DNAH5: variants seen among roughly 807,000 people sequenced by gnomAD.
The protein encoded by DNAH5 is dynein axonemal heavy chain 5.
Under a neutral mutation model 518.2 loss-of-function variants are expected in DNAH5, and 372 were observed. The ratio of observed to expected loss-of-function variants is 0.72; its 90% CI spans 0.66 to 0.78. The LOEUF (loss-of-function observed/expected upper bound fraction) is 0.78, where lower values mean the gene tolerates loss of function less well. DNAH5 is among the 30% of genes least tolerant of loss of function. The pLI is 0.00. For synonymous variants in DNAH5, 2,039 were observed against 2,025.9 expected, an observed-to-expected ratio of 1.01 and a Z score of -0.17; for missense variants, 5,523 against 5,687.0, an observed-to-expected ratio of 0.97 and a Z score of 0.93.
At position 13,885,143 on chromosome 5, in the gene DNAH5, C is replaced by T; in HGVS notation, c.2829G>A (p.Arg943=). The T allele has an allele frequency of 6.2e-7, 1 of 1,614,176 alleles. No individual in the cohort carries two copies. Among genetic ancestry groups the T allele is most frequent in the South Asian group, 1.1e-5 (1 of 91,088 alleles). The change falls in exon 19 of 79, where the codon AGG becomes AGA. Residue 943 remains arginine, a synonymous_variant. Coordinates refer to ENST00000265104, the MANE Select transcript of DNAH5 (RefSeq NM_001369.3). ...ANALLLTTVT[R]KKKETEMLGE... ...CTAACATCTCAGTTTCTTTCTTTTTCCTCGTGACTGTCGTCAAAAGCAGGG... is the reference window on the plus strand; with the variant it reads ...CTAACATCTCAGTTTCTTTCTTTTTTCTCGTGACTGTCGTCAAAAGCAGGG...
chr5:13,731,710 T>C (rs1746585217), intron 68 of DNAH5, among the ~76,000 whole-genome samples: 1 of 152,330 alleles, frequency 6.6e-6, no homozygotes, highest in Admixed American at 6.5e-5. Flanking sequence ...GTGAAAATGA[T>C]ACATGCTTAT....
At chr5:13,938,112 G>A (rs1560972697) in intron 1 of DNAH5, among the ~76,000 whole-genome samples, 1 of 152,024 alleles carries the variant, frequency 6.6e-6, no homozygotes, top group Non-Finnish European at 1.5e-5. Flanking sequence ...TACCACCTGG[G>A]ATATGAACCA....
intron 10 of DNAH5, 41 bp from the exon 11 acceptor site, chr5:13,913,999 A>G (rs1380067920): frequency 1.2e-6 from 2 of 1,601,352 alleles, no homozygotes; most frequent in East Asian, 2.2e-5. Context: ...GGGAACAAGA[A>G]AGGTATCAAC....
In DNAH5 at chr5:13,737,273, C is replaced by G. The variant is rs760382847; in HGVS notation, c.11434G>C (p.Ala3812Pro). The part of the protein sequence containing the change: ...SAETEVQINS[A>P]REEYRPVATR... ...TCACCAGGTCTGTATTCCTCCCGGG[C>G]TGAGTTAATTTGAACTTCTGTCTCA... Residue 3812 changes from alanine to proline, a missense_variant, in exon 66 of 79, where the codon GCC becomes CCC. By Grantham distance (27) the Ala-to-Pro change is conservative. Transcript: ENST00000265104. The G allele has an allele frequency of 9.3e-6, 15 of 1,614,092 alleles. No homozygotes were observed. Among genetic ancestry groups the G allele is most frequent in the Non-Finnish European group, 1.3e-5 (15 of 1,179,976 alleles).
At chr5:13,712,013 T>C (rs1347568606) in intron 75 of DNAH5, among the ~76,000 whole-genome samples, 1 of 152,046 alleles carries the variant, frequency 6.6e-6, no homozygotes, top group Non-Finnish European at 1.5e-5. Flanking sequence ...GAAACAACAA[T>C]TCTAAACTTC....
chr5:13,860,878 G>T (rs559041805), intron 29 of DNAH5, among the ~76,000 whole-genome samples: 1 of 151,978 alleles, frequency 6.6e-6, no homozygotes, highest in African/African-American at 2.4e-5. Context: ...ACTTGAAGTC[G>T]TATTATTGCA....
rs1251651162 is a variant in DNAH5 at position 13,701,387 on chromosome 5, T to C, written c.13388A>G (p.Glu4463Gly). 1 of 1,614,024 alleles carries C rather than the reference T, an allele frequency of 6.2e-7. No homozygotes were observed. Among genetic ancestry groups the C allele is most frequent in the African/African-American group, 1.3e-5 (1 of 75,020 alleles). ...TLGFWFTELI[E>G]RNSQFTSWVF... Reference sequence around the variant, plus strand: ...CCACGAGGTAAACTGGCTGTTTCTTTCTATAAGTTCAGTAAACCAGAAACC... The same window carrying C: ...CCACGAGGTAAACTGGCTGTTTCTTCCTATAAGTTCAGTAAACCAGAAACC... The change falls in exon 77 of 79, where the codon GAA (glutamate) becomes GGA (glycine). Residue 4463 changes from glutamate to glycine, a missense_variant. Coordinates refer to ENST00000265104, the MANE Select transcript of DNAH5 (RefSeq NM_001369.3).
intron 9 of DNAH5, among the ~76,000 whole-genome samples, chr5:13,916,003 T>C (rs977516901): frequency 1.3e-5 from 2 of 152,174 alleles, no homozygotes; most frequent in East Asian, 1.9e-4. Context: ...AAACAGGAGA[T>C]AGCCAGTTAA....
chr5:13,994,738 C>T (rs1783812683), intron 1 of DNAH5, among the ~76,000 whole-genome samples: 2 of 152,114 alleles, frequency 1.3e-5, no homozygotes, highest in African/African-American at 2.4e-5. Context: ...GCTCTTCACC[C>T]GCCTCTTCCC....
chr5:13,808,257 T>A (rs1186292275), intron 46 of DNAH5, among the ~76,000 whole-genome samples: 1 of 147,154 alleles, frequency 6.8e-6, no homozygotes, highest in Non-Finnish European at 1.5e-5. Context: ...AAGAGGAAAT[T>A]TGTATACACA....
chr5:13,862,400 AAATT>A (rs1392028146), intron 29 of DNAH5, 144 bp downstream of exon 29: 61 of 748,460 alleles, frequency 8.2e-5, no homozygotes, highest in East Asian at 5.5e-5. Flanking sequence ...TTGGATATAA[AAATT>A]AATTAATCAA....
intron 21 of DNAH5, among the ~76,000 whole-genome samples, chr5:13,881,116 T>C (rs1358567158): frequency 6.6e-6 from 1 of 151,974 alleles, no homozygotes; most frequent in Admixed American, 6.5e-5. Context: ...CGTAAATACA[T>C]ATACACCCAA....
intron 35 of DNAH5, among the ~76,000 whole-genome samples, chr5:13,837,218 T>C (rs991786106): frequency 6.6e-6 from 1 of 152,206 alleles, no homozygotes; most frequent in Non-Finnish European, 1.5e-5. Context: ...CAATTTGTTA[T>C]GGCAGCAATA....
rs139857637 is a variant in DNAH5, at chr5:13,922,135, G to A, written c.632C>T (p.Ser211Leu). Reference protein sequence around the residue: ...SSLEGFVNVLSGAQESLKEKV... With the variant: ...SSLEGFVNVLLGAQESLKEKV... ...CTCCTTCAGACTCTCCTGTGCACCCGACAGGACGTTCACAAAGCCTTCCAG... is the reference window on the plus strand; with the variant it reads ...CTCCTTCAGACTCTCCTGTGCACCCAACAGGACGTTCACAAAGCCTTCCAG... The change falls in exon 5 of 79, where the codon TCG (serine) becomes TTG (leucine). Residue 211 changes from serine (S) to leucine (L), a missense_variant. Ser to Leu is a moderately radical substitution (Grantham distance 145). Coordinates refer to ENST00000265104, the MANE Select transcript of DNAH5 (RefSeq NM_001369.3). The A allele has an allele frequency of 4.2e-5, 68 of 1,613,856 alleles. No individual in the cohort carries two copies. The highest frequency in any genetic ancestry group is 2.5e-4 in the Admixed American group (15 of 59,984).
At chr5:13,929,695 C>T (rs1037387732) in intron 2 of DNAH5, among the ~76,000 whole-genome samples, 2 of 152,164 alleles carry the variant, frequency 1.3e-5, no homozygotes, top group Non-Finnish European at 2.9e-5. Flanking sequence ...GCTCCTATCC[C>T]TCCCCTCTGT....
Position 13,882,805 on chromosome 5 carries a change from T to G in DNAH5, c.3185A>C (p.Gln1062Pro), listed in dbSNP as rs1771854877. Residue 1062 changes from glutamine (Q) to proline (P), a missense_variant, in exon 21 of 79, where the codon CAA (glutamine) becomes CCA (proline). By Grantham distance (76) the Gln-to-Pro change is moderately conservative. Transcript: ENST00000265104. Reference protein sequence around the residue: ...SSELLSKKKIQERKMAALQSN... With the variant: ...SSELLSKKKIPERKMAALQSN... The stretch of plus-strand genomic sequence containing the variant: ...CTGCAAAGCAGCCATTTTTCTTTCT[T>G]GTATCTTTTTCTACAATGTAAAAGG... 6.2e-7 allele frequency: 1 copy of G among 1,614,002 alleles called. No individual in the cohort carries two copies. The highest frequency in any genetic ancestry group is 8.5e-7 in the Non-Finnish European group (1 of 1,179,940).
chr5:13,774,143 G>T (rs1426257239), intron 55 of DNAH5, among the ~76,000 whole-genome samples: 3 of 152,156 alleles, frequency 2.0e-5, no homozygotes, highest in African/African-American at 7.2e-5. Flanking sequence ...AATGTGAGAT[G>T]GATGGGGGAC....
In DNAH5 at chr5:13,708,176, G is replaced by A. The variant is rs1743041017; in HGVS notation, c.13285C>T (p.Arg4429Ter). 6.2e-6 allele frequency: 10 copies of A among 1,614,100 alleles called. No individual in the cohort carries two copies. Among genetic ancestry groups the A allele is most frequent in the African/African-American group, 1.3e-5 (1 of 75,028 alleles). ...TCAAACATGCAATCCAATGCATCTC[G>A]CAGATTTTCGCTCATGATGATGGTG... ...DGTIIMSENL[R>*]DALDCMFDAR... The change falls in exon 76 of 79, where the codon CGA becomes TGA. Residue 4429 changes from arginine to a stop codon, truncating the protein, a stop_gained. Transcript: ENST00000265104. LOFTEE classifies it high-confidence loss of function.
At position 13,891,020 on chromosome 5, in the gene DNAH5, G is replaced by GGGGAAGCTGACAAAGAGGCGTGCTGCT; in HGVS notation, c.2506_2532dup (p.Ser836_Pro844dup). 1 of 1,614,118 alleles carries GGGGAAGCTGACAAAGAGGCGTGCTGCT rather than the reference G, an allele frequency of 6.2e-7. No homozygotes were observed. The highest frequency in any genetic ancestry group is 8.5e-7 in the Non-Finnish European group (1 of 1,180,002). On this transcript the variant is annotated inframe_insertion, in exon 17 of 79. Transcript: ENST00000265104. ...TCTTCACAGGTTAGTGGCTCCTCCT[G>GGGGAAGCTGACAAAGAGGCGTGCTGCT]GGGAAGCTGACAAAGAGGCGTGCTG...
Sources: allele counts gnomAD v4.1 joint callset (sites outside exome capture counted in the v4.1 genomes callset), GRCh38; gene constraint gnomAD v4.1.1; transcripts MANE v1.5; gene names NCBI Gene and HGNC (gene_info 2026-07-23, HGNC 2026-07-21).